Variants in TENM4 observed in about 807,000 individuals in gnomAD.
TENM4 encodes the protein teneurin transmembrane protein 4.
TENM4 carries 82 observed loss-of-function variants against 243.3 expected under a neutral mutation model. The ratio of observed to expected loss-of-function variants is 0.34; its 90% confidence interval spans 0.28 to 0.40. The LOEUF (loss-of-function observed/expected upper bound fraction) is 0.40. Ranked by LOEUF, TENM4 falls within the 10% of genes least tolerant of loss-of-function variation. The probability of loss-of-function intolerance (pLI) is 1.00; values close to 1 mark genes in which losing one functional copy is unlikely to be tolerated. For missense variants in TENM4, 3,138 were observed against 3,673.3 expected, an observed-to-expected ratio of 0.85 and a Z score of 3.77; for synonymous variants, 1,412 against 1,456.3, an observed-to-expected ratio of 0.97 and a Z score of 0.69.
Position 78,654,163 on chromosome 11 carries a change from G to C in TENM4, c.*3895C>G, listed in dbSNP as rs1313711681. 6.6e-6 allele frequency: 1 copy of C among 152,162 alleles called. No homozygotes were observed. The highest frequency in any genetic ancestry group is 2.4e-5 in the African/African-American group (1 of 41,428). 9.4% of individuals were successfully genotyped at this position (152,162 alleles called of 1,614,324 possible). ...GGAAAGGAAAGACTGGGTTCTTTCTGGGATCCCTCAGGAGATGTGTCCCCG... is the reference window on the plus strand; with the variant it reads ...GGAAAGGAAAGACTGGGTTCTTTCTCGGATCCCTCAGGAGATGTGTCCCCG... On this transcript the variant is annotated 3_prime_UTR_variant, in exon 34 of 34. Coordinates refer to ENST00000278550, the MANE Select transcript of TENM4 (RefSeq NM_001098816.3).
intron 6 of TENM4, among the ~76,000 whole-genome samples, chr11:79,017,192 C>A (rs1858798893): frequency 6.6e-6 from 1 of 152,182 alleles, no homozygotes; most frequent in Admixed American, 6.5e-5. Context: ...CTGGGCCTCA[C>A]ACATTCAGAA....
chr11:79,345,496 A>C (rs1486542463), intron 1 of TENM4, among the ~76,000 whole-genome samples: 3 of 152,260 alleles, frequency 2.0e-5, no homozygotes, highest in African/African-American at 7.2e-5. Context: ...TCTCTATAAC[A>C]AGCGAAATAA....
At chr11:79,257,058 A>G (rs1230985724) in intron 2 of TENM4, among the ~76,000 whole-genome samples, 1 of 152,166 alleles carries the variant, frequency 6.6e-6, no homozygotes, top group Non-Finnish European at 1.5e-5. Context: ...AGAGCAGTGA[A>G]TGAAGGAAGG....
At chr11:79,211,756 AAT>A (rs1327201999) in intron 3 of TENM4, among the ~76,000 whole-genome samples, 4 of 152,246 alleles carry the variant, frequency 2.6e-5, no homozygotes, top group Non-Finnish European at 4.4e-5. Flanking sequence ...ATTAATTAAT[AAT>A]ATGTCAAATT....
At position 79,097,977 on chromosome 11, in the gene TENM4, G is replaced by A. The variant is rs1005503211; in HGVS notation, c.-65-27968C>T. 3.9e-5 allele frequency: 6 copies of A among 152,196 alleles called. No homozygotes were observed. The South Asian group carries it at 1.0e-3, about 26-fold the overall frequency. 9.4% of individuals were successfully genotyped at this position (152,196 alleles called of 1,614,324 possible). ...CAGATAACTTAGTAAAACAAAAAAC[G>A]ATAGTGGCCCAAGATAAATTAAACT... On this transcript the variant is annotated intron_variant, in intron 4 of 33. Coordinates refer to ENST00000278550, the MANE Select transcript of TENM4 (RefSeq NM_001098816.3).
At chr11:78,806,604 C>T (rs993827595) in intron 14 of TENM4, among the ~76,000 whole-genome samples, 15 of 152,208 alleles carry the variant, frequency 9.9e-5, no homozygotes, top group Non-Finnish European at 2.1e-4. Context: ...GATGAGGAAA[C>T]CGAGGCTCTG....
chr11:79,081,563 A>ATGTG (rs1860676098), intron 4 of TENM4, among the ~76,000 whole-genome samples: 1 of 38,884 alleles, frequency 2.6e-5, no homozygotes, highest in Non-Finnish European at 6.6e-5. Flanking sequence ...GTGTGTGTGC[A>ATGTG]TGCACACATG....
chr11:78,861,356 G>A (rs930291076), intron 10 of TENM4, among the ~76,000 whole-genome samples: 1 of 152,216 alleles, frequency 6.6e-6, no homozygotes, highest in African/African-American at 2.4e-5. Flanking sequence ...CCCAGAAAGT[G>A]TGTTCAAGGG....
Position 79,432,170 on chromosome 11 carries a change from G to C in TENM4, c.-321+8339C>G, listed in dbSNP as rs1859182828. On this transcript the variant is annotated intron_variant, in intron 1 of 33. Coordinates refer to ENST00000278550, the MANE Select transcript of TENM4 (RefSeq NM_001098816.3). ...GCATTGCTCAATAAATATTTATGAA[G>C]TAAAAAACTTACATGGTCTTCTAAT... Among the ~76,000 whole-genome samples the C allele has an allele frequency of 2.0e-5, 3 of 152,286 alleles. No individual in the cohort carries two copies. In the South Asian group the frequency reaches 6.2e-4, roughly 32 times the overall value.
intron 20 of TENM4, among the ~76,000 whole-genome samples, chr11:78,735,343 A>G (rs1855762669): frequency 6.6e-6 from 1 of 152,232 alleles, no homozygotes; most frequent in Non-Finnish European, 1.5e-5. Flanking sequence ...GAAATACTCA[A>G]AGAACAATTT....
chr11:79,234,742 C>T (rs139525482), intron 2 of TENM4, among the ~76,000 whole-genome samples: 231 of 152,246 alleles, frequency 1.5e-3, no homozygotes, highest in African/African-American at 5.3e-3. Context: ...ATAATTGCTA[C>T]GTGGGAATGG....
intron 9 of TENM4, among the ~76,000 whole-genome samples, chr11:78,877,920 G>C (rs1162546419): frequency 6.6e-6 from 1 of 152,142 alleles, no homozygotes; most frequent in Non-Finnish European, 1.5e-5. Context: ...TCATGGGTCA[G>C]GAAACTGAGG....
At chr11:78,777,603 T>C (rs962385933) in intron 17 of TENM4, among the ~76,000 whole-genome samples, 2 of 152,208 alleles carry the variant, frequency 1.3e-5, no homozygotes, top group Non-Finnish European at 2.9e-5. Flanking sequence ...TTACTTCACT[T>C]AATCCTCATA....
chr11:79,224,699 C>T (rs954055805), intron 2 of TENM4, among the ~76,000 whole-genome samples: 11 of 152,186 alleles, frequency 7.2e-5, no homozygotes, highest in Middle Eastern at 3.4e-3. Flanking sequence ...GCCTGTAATC[C>T]CAACACTTTG....
In TENM4 at chr11:78,658,546, G is replaced by C. The variant is rs745533143; in HGVS notation, c.7822C>G (p.His2608Asp). The stretch of plus-strand genomic sequence containing the variant: ...GTATCCACCCCATCAATGGTGAAGT[G>C]CAGGTTCTCTAGGTAGTGGGCATGG... ...LNHAHYLENL[H>D]FTIDGVDTHY... is the part of the protein sequence containing the mutation. The change falls in exon 34 of 34, where the codon CAC becomes GAC. Residue 2608 changes from histidine (H) to aspartate (D), a missense_variant. By Grantham distance (81) the His-to-Asp change is moderately conservative. Coordinates refer to ENST00000278550, the MANE Select transcript of TENM4 (RefSeq NM_001098816.3). 2.5e-6 allele frequency: 4 copies of C among 1,614,042 alleles called. No homozygotes were observed. Among genetic ancestry groups the C allele is most frequent in the Non-Finnish European group, 3.4e-6 (4 of 1,179,890 alleles).
chr11:79,287,838 G>A (rs1374369795), intron 2 of TENM4, among the ~76,000 whole-genome samples: 10 of 149,828 alleles, frequency 6.7e-5, no homozygotes, highest in African/African-American at 2.0e-4. Context: ...CAAACTGTCA[G>A]AGCTCAGAAG....
Position 79,196,979 on chromosome 11 carries a change from C to A in TENM4, c.-163+18829G>T, listed in dbSNP as rs540739573. Among the ~76,000 whole-genome samples the A allele has an allele frequency of 2.6e-5, 4 of 152,322 alleles. No individual in the cohort carries two copies. In the South Asian group the frequency reaches 8.3e-4, roughly 32 times the overall value. On this transcript the variant is annotated intron_variant, in intron 3 of 33. Transcript: ENST00000278550. ...GTTCAGCAGATGGCGCCTGGTCATG[C>A]CCAGGGTTAAGAGGTTTTCAGCAAA...
chr11:79,261,110 G>A (rs771623077), intron 2 of TENM4, among the ~76,000 whole-genome samples: 3 of 152,234 alleles, frequency 2.0e-5, no homozygotes, highest in Non-Finnish European at 4.4e-5. Context: ...TGACCTGGCA[G>A]GTTGGAGAGG....
At chr11:79,234,868 G>A (rs1864434883) in intron 2 of TENM4, among the ~76,000 whole-genome samples, 1 of 152,146 alleles carries the variant, frequency 6.6e-6, no homozygotes, top group Non-Finnish European at 1.5e-5. Flanking sequence ...CCCTGGATGC[G>A]GGGCACCTGG....
Sources: gnomAD v4.1 joint callset for allele counts (sites outside exome capture counted in the v4.1 genomes callset) on GRCh38, gnomAD v4.1.1 for gene constraint, MANE v1.5 for transcripts, NCBI Gene and HGNC (gene_info 2026-07-23, HGNC 2026-07-21) for gene names.